Variants in ZC3H7A observed in about 807,000 individuals in gnomAD.
ZC3H7A encodes zinc finger CCCH-type containing 7A.
A neutral mutation model predicts 125.5 loss-of-function variants in ZC3H7A; 44 were observed. The ratio of observed to expected loss-of-function variants is 0.35; its 90% CI spans 0.28 to 0.45. The LOEUF (loss-of-function observed/expected upper bound fraction) is 0.45, where lower values mean the gene tolerates loss of function less well. ZC3H7A is among the 20% of genes least tolerant of loss of function. ZC3H7A has a pLI of 1.00. For synonymous variants in ZC3H7A, 399 were observed against 391.2 expected, an observed-to-expected ratio of 1.02 and a Z score of -0.23; for missense variants, 977 against 1,170.7, an observed-to-expected ratio of 0.83 and a Z score of 2.41.
In ZC3H7A at chr16:11,776,847, G is replaced by C; in HGVS notation, c.369C>G (p.Cys123Trp). Residue 123 changes from cysteine (C) to tryptophan (W), a missense_variant, in exon 5 of 23, where the codon TGC (cysteine) becomes TGG (tryptophan). This residue lies in a region of ZC3H7A where 199 missense variants were observed against 256.1 expected (regional missense o/e 0.78). Coordinates refer to ENST00000355758, the MANE Select transcript of ZC3H7A (RefSeq NM_014153.4). ...NIVLSLNASN[C>W]KALYRKSKAL... is the part of the protein sequence containing the mutation. The stretch of plus-strand genomic sequence containing the variant: ...CCTTAGATTTCCGATACAGAGCTTT[G>C]CAGTTACTGGCATTTAAACTGAGGA... 1 of 1,613,690 alleles carries C rather than the reference G, an allele frequency of 6.2e-7. No homozygotes were observed. Among genetic ancestry groups the C allele is most frequent in the Non-Finnish European group, 8.5e-7 (1 of 1,179,916 alleles).
At chr16:11,755,071 T>A (rs1405253898) in intron 21 of ZC3H7A, among the ~76,000 whole-genome samples, 4 of 149,728 alleles carry the variant, frequency 2.7e-5, no homozygotes, top group African/African-American at 4.9e-5. Flanking sequence ...TAGCCGGGCG[T>A]GGTGGCAGGC....
intron 10 of ZC3H7A, among the ~76,000 whole-genome samples, chr16:11,769,784 C>CTTTTTTTTTTTTTGTTTTTTTTTTTTTT (rs2052944185): frequency 1.6e-5 from 1 of 61,608 alleles, no homozygotes; most frequent in African/African-American, 9.7e-5. Context: ...CAATTGCTTT[C>CTTTTTTTTTTTTTGTTTTTTTTTTTTTT]TTTTTTTTTT....
intron 4 of ZC3H7A, among the ~76,000 whole-genome samples, chr16:11,778,643 G>A (rs1015117972): frequency 6.6e-6 from 1 of 151,982 alleles, no homozygotes; most frequent in Non-Finnish European, 1.5e-5. Flanking sequence ...GAATCATCAA[G>A]GACCAATAAC....
chr16:11,763,353 T>C (rs2052785928), intron 16 of ZC3H7A, 125 bp downstream of exon 16: 3 of 931,412 alleles, frequency 3.2e-6, no homozygotes, highest in East Asian at 5.5e-5. Flanking sequence ...AAGTGATCCA[T>C]CTGCCTCAGC....
chr16:11,757,739 A>G (rs1197024712), intron 20 of ZC3H7A, among the ~76,000 whole-genome samples: 1 of 152,188 alleles, frequency 6.6e-6, no homozygotes, highest in Non-Finnish European at 1.5e-5. Context: ...CCTCACTCCC[A>G]GCAAGACAGC....
intron 8 of ZC3H7A, 58 bp from the exon 9 acceptor site, chr16:11,774,577 A>T: frequency 4.1e-6 from 6 of 1,447,090 alleles, no homozygotes; most frequent in Non-Finnish European, 5.5e-6. Context: ...TAATAATACC[A>T]TTAATCCCCA....
chr16:11,794,045 A>G (rs765793446), intron 1 of ZC3H7A, among the ~76,000 whole-genome samples: 117 of 152,348 alleles, frequency 7.7e-4, no homozygotes, highest in Non-Finnish European at 1.2e-3. Flanking sequence ...ACGCCCTGCT[A>G]AGTGGTGGTT....
At chr16:11,789,639 C>T (rs1032381396) in intron 1 of ZC3H7A, among the ~76,000 whole-genome samples, 4 of 152,154 alleles carry the variant, frequency 2.6e-5, no homozygotes, top group Non-Finnish European at 4.4e-5. Flanking sequence ...TCAGTGTGTT[C>T]GTTTTCAAAA....
chr16:11,780,636 T>C (rs1450270571), intron 3 of ZC3H7A, among the ~76,000 whole-genome samples: 1 of 152,188 alleles, frequency 6.6e-6, no homozygotes, highest in Non-Finnish European at 1.5e-5. Flanking sequence ...AAACAACTGT[T>C]ACAGTTTATT....
Position 11,758,542 on chromosome 16 carries a change from G to T in ZC3H7A, c.2320-3C>A. ...CCAGAAGCAATATGGTTGCACAGCT[G>T]TATAAAAAAATAGGAATATGATTAA... On this transcript the variant is annotated splice_region_variant and splice_polypyrimidine_tract_variant and intron_variant, in intron 19 of 22. Transcript: ENST00000355758. The T allele has an allele frequency of 6.2e-7, 1 of 1,605,250 alleles. No homozygotes were observed. Among genetic ancestry groups the T allele is most frequent in the Non-Finnish European group, 8.5e-7 (1 of 1,173,442 alleles).
intron 10 of ZC3H7A, among the ~76,000 whole-genome samples, chr16:11,770,470 T>C (rs1476476150): frequency 6.6e-6 from 1 of 152,200 alleles, no homozygotes; most frequent in Non-Finnish European, 1.5e-5. Flanking sequence ...CCCTTTAAGA[T>C]GAGATACACC....
intron 1 of ZC3H7A, among the ~76,000 whole-genome samples, chr16:11,789,565 CT>C (rs2053316601): frequency 6.6e-6 from 1 of 152,078 alleles, no homozygotes; most frequent in Non-Finnish European, 1.5e-5. Flanking sequence ...TGCATATGTT[CT>C]TTTTTATTCA....
At chr16:11,782,513 CA>C (rs1311974287) in intron 1 of ZC3H7A, 125 bp from the exon 2 acceptor site, 1 of 793,080 alleles carries the variant, frequency 1.3e-6, no homozygotes, top group East Asian at 2.6e-5. Context: ...GACTTGACTC[CA>C]GGGTCCTGGA....
chr16:11,790,461 G>A (rs1476621002), intron 1 of ZC3H7A, among the ~76,000 whole-genome samples: 3 of 152,122 alleles, frequency 2.0e-5, no homozygotes, highest in Non-Finnish European at 4.4e-5. Flanking sequence ...CCTTTCTGAT[G>A]TTATTGGTAT....
chr16:11,767,361 T>C, intron 13 of ZC3H7A, 56 bp downstream of exon 13: 2 of 1,287,316 alleles, frequency 1.6e-6, no homozygotes, highest in East Asian at 2.5e-5. Flanking sequence ...AAGCTAAGCA[T>C]GACTGTAGTT....
At chr16:11,790,079 C>CAAAAA (rs150579733) in intron 1 of ZC3H7A, among the ~76,000 whole-genome samples, 35 of 73,480 alleles carry the variant, frequency 4.8e-4, no homozygotes, top group East Asian at 1.6e-3. Context: ...GACTCCATCT[C>CAAAAA]AAAAAAAAAA....
In ZC3H7A at chr16:11,795,502, T is replaced by C. The variant is rs375361978; in HGVS notation, c.-35+1622A>G. Among the ~76,000 whole-genome samples, 51 of 152,362 alleles carry C rather than the reference T, an allele frequency of 3.3e-4. 1 individual carries two copies. Among genetic ancestry groups the C allele is most frequent in the Admixed American group, 1.0e-3 (16 of 15,302 alleles). On this transcript the variant is annotated intron_variant, in intron 1 of 22. Transcript: ENST00000355758. ...CCCAGGGAGGAGTGCAGTGGCACAATCTCGGCTCACTGCAACCTCTGCCTC... is the reference window on the plus strand; with the variant it reads ...CCCAGGGAGGAGTGCAGTGGCACAACCTCGGCTCACTGCAACCTCTGCCTC...
rs61471026 is a variant in ZC3H7A at position 11,757,483 on chromosome 16, C to CAA, written c.2428+946_2428+947dup. Among the ~76,000 whole-genome samples the CAA allele has an allele frequency of 5.9e-3, 243 of 40,876 alleles. 5 individuals carry two copies. Among genetic ancestry groups the CAA allele is most frequent in the Middle Eastern group, 0.014 (1 of 74 alleles). The allele number at this position is 40,876 out of a possible 152,430, so 26.8% of individuals were successfully genotyped here. On this transcript the variant is annotated intron_variant, in intron 20 of 22. Coordinates refer to ENST00000355758, the MANE Select transcript of ZC3H7A (RefSeq NM_014153.4). ...TGGGTGACAAAGCGAGACTCTGTCT[C>CAA]AAAAAAAAAAAAAAAAAAAAAAAAA...
intron 7 of ZC3H7A, 115 bp from the exon 8 acceptor site, chr16:11,775,128 C>G: frequency 4.6e-6 from 5 of 1,094,888 alleles, no homozygotes; most frequent in Non-Finnish European, 6.8e-6. Context: ...ATCCCAGCAC[C>G]TGGGGAGGCC....
Sources: gnomAD v4.1 joint callset for allele counts (sites outside exome capture counted in the v4.1 genomes callset) on GRCh38, gnomAD v4.1.1 for gene constraint, gnomAD v4.1.1 regional missense constraint, MANE v1.5 for transcripts, NCBI Gene and HGNC (gene_info 2026-07-23, HGNC 2026-07-21) for gene names.